The following USP34 variants were observed in gnomAD, a reference collection of about 807,000 sequenced individuals.
USP34 encodes the protein ubiquitin carboxyl-terminal hydrolase 34.
USP34 carries 70 observed loss-of-function variants against 460.3 expected under a neutral mutation model. The observed-to-expected ratio is 0.15, with a 90% CI of 0.13 to 0.19. The LOEUF (loss-of-function observed/expected upper bound fraction) is 0.19. Among genes scored for constraint, USP34 ranks in the 10% least tolerant of loss-of-function variants. USP34 has a pLI of 1.00. For synonymous variants in USP34, 1,647 were observed against 1,405.3 expected (o/e 1.17, Z -3.85); for missense variants, 3,985 against 4,236.2 (o/e 0.94, Z 1.65).
At chr2:61,291,958 C>T (rs191486991) in intron 33 of USP34, among the ~76,000 whole-genome samples, 7 of 152,168 alleles carry the variant, frequency 4.6e-5, no homozygotes, top group Admixed American at 1.3e-4. Context: ...AAACCAGTCA[C>T]GATGGACCAT....
intron 51 of USP34, among the ~76,000 whole-genome samples, chr2:61,244,253 T>C (rs148508931): frequency 3.9e-5 from 6 of 152,290 alleles, no homozygotes; most frequent in Non-Finnish European, 7.4e-5. Context: ...TCTCAGAAAA[T>C]TGATACTAGG....
At chr2:61,299,160 T>A (rs767979065) in intron 29 of USP34, among the ~76,000 whole-genome samples, 1 of 151,968 alleles carries the variant, frequency 6.6e-6, no homozygotes, top group Non-Finnish European at 1.5e-5. Flanking sequence ...AACTGAGGTA[T>A]AAGAAACAGA....
chr2:61,302,253 A>C (rs1690251798), intron 27 of USP34, among the ~76,000 whole-genome samples: 1 of 152,252 alleles, frequency 6.6e-6, no homozygotes, highest in Non-Finnish European at 1.5e-5. Flanking sequence ...AACAGACACT[A>C]AACAATTACT....
intron 3 of USP34, among the ~76,000 whole-genome samples, chr2:61,396,174 G>A (rs1245831992): frequency 2.0e-5 from 3 of 151,922 alleles, no homozygotes; most frequent in Non-Finnish European, 4.4e-5. Flanking sequence ...TTTTGAAACT[G>A]CTTTGGAATT....
chr2:61,273,148 T>G (rs372819767), intron 41 of USP34, among the ~76,000 whole-genome samples: 3 of 152,252 alleles, frequency 2.0e-5, no homozygotes, highest in Non-Finnish European at 4.4e-5. Context: ...AGAATAAACT[T>G]ACTAAGAAAT....
chr2:61,194,532 C>G (rs530440138), intron 75 of USP34, among the ~76,000 whole-genome samples: 150 of 152,342 alleles, frequency 9.8e-4, no homozygotes, highest in Non-Finnish European at 1.9e-3. Flanking sequence ...TGTCTTCACT[C>G]TGTTGCCCAG....
At chr2:61,326,548 CT>C (rs570164313) in intron 20 of USP34, among the ~76,000 whole-genome samples, 87 of 152,136 alleles carry the variant, frequency 5.7e-4, no homozygotes, top group African/African-American at 2.0e-3. Context: ...AAAAGGATTC[CT>C]TTCCTTTGGC....
At chr2:61,451,698 AAAAC>A (rs1308503956) in intron 1 of USP34, among the ~76,000 whole-genome samples, 1 of 151,992 alleles carries the variant, frequency 6.6e-6, no homozygotes, top group Non-Finnish European at 1.5e-5. Flanking sequence ...AAAAAACAAA[AAAAC>A]AAAAAACCAG....
At chr2:61,402,195 G>A (rs929303361) in intron 3 of USP34, among the ~76,000 whole-genome samples, 2 of 152,058 alleles carry the variant, frequency 1.3e-5, no homozygotes, top group Admixed American at 6.6e-5. Flanking sequence ...TGGGTGGATC[G>A]TTTGAGCCCA....
At chr2:61,388,925 T>C (rs1293972618) in intron 5 of USP34, among the ~76,000 whole-genome samples, 3 of 151,970 alleles carry the variant, frequency 2.0e-5, no homozygotes, top group East Asian at 1.9e-4. Context: ...TAAATGTCCA[T>C]CACCAGTAAA....
Position 61,255,199 on chromosome 2 carries a change from A to T in USP34, c.6221+1185T>A, listed in dbSNP as rs565232320. On this transcript the variant is annotated intron_variant, in intron 48 of 79. Coordinates refer to ENST00000398571, the MANE Select transcript of USP34 (RefSeq NM_014709.4). ...ATTCTACTGAAAATGAAAGCTGAGGAAGAATATTTTTGATCAATGTACCAA... is the reference window on the plus strand; with the variant it reads ...ATTCTACTGAAAATGAAAGCTGAGGTAGAATATTTTTGATCAATGTACCAA... Among the ~76,000 whole-genome samples, 3 of 152,378 alleles carry T rather than the reference A, an allele frequency of 2.0e-5. No individual in the cohort carries two copies. The South Asian group carries it at 6.2e-4, about 32-fold the overall frequency.
intron 53 of USP34, among the ~76,000 whole-genome samples, chr2:61,237,167 C>T (rs1255667649): frequency 6.6e-6 from 1 of 152,080 alleles, no homozygotes; most frequent in African/African-American, 2.4e-5. Flanking sequence ...AGTGAATAGC[C>T]GGCTTCAGAG....
intron 61 of USP34, 80 bp from the exon 62 acceptor site, chr2:61,227,298 C>T: frequency 6.8e-7 from 1 of 1,479,676 alleles, no homozygotes; most frequent in Non-Finnish European, 9.2e-7. Flanking sequence ...TTTTATGTAA[C>T]AGTGTAGATG....
At chr2:61,313,783 G>A (rs1690665001) in intron 25 of USP34, among the ~76,000 whole-genome samples, 1 of 151,948 alleles carries the variant, frequency 6.6e-6, no homozygotes, top group Admixed American at 6.6e-5. Flanking sequence ...ATGGAAGCAT[G>A]TTATTTATAA....
intron 1 of USP34, among the ~76,000 whole-genome samples, chr2:61,452,298 C>T (rs1210827517): frequency 6.7e-6 from 1 of 148,604 alleles, no homozygotes; most frequent in African/African-American, 2.5e-5. Flanking sequence ...TGAAGTGGCT[C>T]GTGCCTATAA....
chr2:61,347,488 C>A (rs1444576195), intron 15 of USP34, among the ~76,000 whole-genome samples: 2 of 152,170 alleles, frequency 1.3e-5, no homozygotes, highest in African/African-American at 4.8e-5. Context: ...ATTCTCCTGC[C>A]TCAGCCTCCC....
intron 1 of USP34, among the ~76,000 whole-genome samples, chr2:61,442,898 T>TATACACACAC (rs1553392378): frequency 1.4e-5 from 2 of 147,308 alleles, no homozygotes; most frequent in East Asian, 4.0e-4. Context: ...GTGATGTGTG[T>TATACACACAC]ACACACACAC....
At chr2:61,273,242 A>G (rs1244657057) in intron 41 of USP34, among the ~76,000 whole-genome samples, 1 of 152,248 alleles carries the variant, frequency 6.6e-6, no homozygotes, top group African/African-American at 2.4e-5. Context: ...ACAACAAATC[A>G]TACTCTTCCA....
chr2:61,252,815 A>C (rs1041369436), intron 48 of USP34, among the ~76,000 whole-genome samples: 1 of 152,234 alleles, frequency 6.6e-6, no homozygotes, highest in African/African-American at 2.4e-5. Context: ...CATTGTGTCA[A>C]TAAGTAAGAG....
Sources: allele counts gnomAD v4.1 joint callset (sites outside exome capture counted in the v4.1 genomes callset), GRCh38; gene constraint gnomAD v4.1.1; transcripts MANE v1.5; gene names NCBI Gene and HGNC (gene_info 2026-07-23, HGNC 2026-07-21).